The following DMD variants were observed in gnomAD, a reference collection of about 807,000 sequenced individuals.
DMD encodes mutant dystrophin.
DMD carries 63 observed loss-of-function variants against 330.1 expected under a neutral mutation model. The observed-to-expected ratio is 0.19, with a 90% CI of 0.16 to 0.24. The LOEUF (loss-of-function observed/expected upper bound fraction) is 0.24. Among genes scored for constraint, DMD ranks in the 10% least tolerant of loss-of-function variants. DMD has a pLI of 1.00. For missense variants in DMD, 3,344 were observed against 2,684.1 expected, an observed-to-expected ratio of 1.25 and a Z score of -5.43; for synonymous variants, 1,223 against 959.8, an observed-to-expected ratio of 1.27 and a Z score of -5.07.
chrX:32,595,885 T>A lies in DMD; in HGVS notation c.1483-9A>T. The A allele has an allele frequency of 8.5e-7, 1 of 1,172,267 alleles. No homozygotes were observed. The highest frequency in any genetic ancestry group is 1.8e-5 in the South Asian group (1 of 55,955). On this transcript the variant is annotated splice_polypyrimidine_tract_variant and intron_variant, in intron 12 of 78. Transcript: ENST00000357033. ...AGATCTTCTTGAAGCACCTGAAAGA[T>A]AAAATGTTTTAAAGGAAATTAAAAT...
At chrX:31,217,904 T>C (rs2045580741) in intron 64 of DMD, among the ~76,000 whole-genome samples, 1 of 111,960 alleles carries the variant, frequency 8.9e-6, no homozygotes, top group Non-Finnish European at 1.9e-5. Context: ...AGAAAAGCCA[T>C]GCTCAGAAAG....
At chrX:33,149,695 C>A (rs1255790575) in intron 1 of DMD, among the ~76,000 whole-genome samples, 1 of 111,610 alleles carries the variant, frequency 9.0e-6, no homozygotes, top group African/African-American at 3.3e-5. Flanking sequence ...GTCAATAGAT[C>A]TAGTTGACCC....
intron 9 of DMD, among the ~76,000 whole-genome samples, chrX:32,692,428 C>G (rs58214151): frequency 0.14 from 15,600 of 110,894 alleles, 2,614 homozygotes; most frequent in African/African-American, 0.47. Flanking sequence ...GGCTGGCTTC[C>G]CATCCTCTGT....
At chrX:32,504,349 T>A (rs1359037089) in intron 18 of DMD, among the ~76,000 whole-genome samples, 1 of 111,379 alleles carries the variant, frequency 9.0e-6, no homozygotes, top group Non-Finnish European at 1.9e-5. Context: ...ATGGGCTGGG[T>A]GCAGTGGCTC....
At chrX:31,720,488 A>G (rs2085385207) in intron 52 of DMD, among the ~76,000 whole-genome samples, 1 of 111,722 alleles carries the variant, frequency 9.0e-6, no homozygotes, top group African/African-American at 3.3e-5. Flanking sequence ...TAAGATAAAA[A>G]TGCTAGCCTA....
In DMD at chrX:32,216,868, A is replaced by G. The variant is rs769659348; in HGVS notation, c.6438+48T>C. On this transcript the variant is annotated intron_variant, in intron 44 of 78. Coordinates refer to ENST00000357033, the MANE Select transcript of DMD (RefSeq NM_004006.3). ...ATCTTTAAGAAGTTAAAGAGTCCAG[A>G]TGTGCTGAAGATAAATACAATTTCG... 3 of 1,126,859 alleles carry G rather than the reference A, an allele frequency of 2.7e-6. No homozygotes were observed. The Admixed American group carries it at 6.7e-5, about 25-fold the overall frequency. The allele number at this position is 1,126,859 out of a possible 1,213,427, so 92.9% of individuals were successfully genotyped here.
chrX:33,285,561 T>C (rs1452731998), intron 1 of DMD, among the ~76,000 whole-genome samples: 1 of 111,787 alleles, frequency 8.9e-6, no homozygotes, highest in Non-Finnish European at 1.9e-5. Context: ...ATTTGGGAAG[T>C]TCTACTCAGT....
intron 9 of DMD, among the ~76,000 whole-genome samples, chrX:32,686,542 G>A (rs2062878565): frequency 2.0e-5 from 1 of 49,499 alleles, no homozygotes; most frequent in Non-Finnish European, 3.4e-5. Context: ...CGGGGCAACA[G>A]AGCAAAAACT....
intron 7 of DMD, among the ~76,000 whole-genome samples, chrX:32,758,263 T>A: frequency 9.0e-6 from 1 of 111,594 alleles, no homozygotes; most frequent in Non-Finnish European, 1.9e-5. Context: ...AACTGAACTC[T>A]TAGAGAGCAG....
intron 7 of DMD, among the ~76,000 whole-genome samples, chrX:32,715,635 A>C (rs2065637817): frequency 9.2e-6 from 1 of 109,110 alleles, no homozygotes; most frequent in Admixed American, 9.8e-5. Context: ...CCCCATCTCT[A>C]CTAAAAATGC....
chrX:33,165,272 A>G (rs1479012232), intron 1 of DMD, among the ~76,000 whole-genome samples: 2 of 111,624 alleles, frequency 1.8e-5, no homozygotes, highest in African/African-American at 6.5e-5. Flanking sequence ...TTAGAAGTTC[A>G]TAATTGGAAG....
At chrX:32,240,753 C>A (rs1178902100) in intron 43 of DMD, among the ~76,000 whole-genome samples, 1 of 111,164 alleles carries the variant, frequency 9.0e-6, no homozygotes, top group Non-Finnish European at 1.9e-5. Context: ...ATCAACTAAT[C>A]CTGTTGTCCA....
chrX:31,988,939 A>C (rs890533923), intron 44 of DMD, among the ~76,000 whole-genome samples: 2 of 111,844 alleles, frequency 1.8e-5, no homozygotes, highest in Admixed American at 9.5e-5. Context: ...GTCCAAAGGC[A>C]TGAGAACCAA....
At chrX:32,441,060 T>C (rs2098279759) in intron 28 of DMD, 120 bp downstream of exon 28, 1 of 783,276 alleles carries the variant, frequency 1.3e-6, no homozygotes, top group African/African-American at 2.1e-5. Flanking sequence ...CAGTGCTGAG[T>C]GATAACATAG....
intron 52 of DMD, among the ~76,000 whole-genome samples, chrX:31,693,982 T>C (rs778890912): frequency 4.5e-5 from 5 of 111,435 alleles, no homozygotes; most frequent in Non-Finnish European, 9.5e-5. Flanking sequence ...AAGAATAAAA[T>C]TGGAAGTATG....
chrX:32,120,119 C>A (rs1214795957), intron 44 of DMD, among the ~76,000 whole-genome samples: 1 of 112,445 alleles, frequency 8.9e-6, no homozygotes, highest in Non-Finnish European at 1.9e-5. Flanking sequence ...TATCCTTAAA[C>A]AAATGTGTCT....
rs1358287264 is a variant in DMD, at chrX:31,536,329, T to C, written c.8218-28876A>G. Reference sequence around the variant, plus strand: ...TATCAGTAGATTTCATGGCAGTTGCTGTATATTTAATTGTAAAAAATTCGG... The same window carrying C: ...TATCAGTAGATTTCATGGCAGTTGCCGTATATTTAATTGTAAAAAATTCGG... On this transcript the variant is annotated intron_variant, in intron 55 of 78. Coordinates refer to ENST00000357033, the MANE Select transcript of DMD (RefSeq NM_004006.3). 3.6e-5 allele frequency among the ~76,000 whole-genome samples: 4 copies of C among 111,843 alleles called. No individual in the cohort carries two copies. In the East Asian group the frequency reaches 1.1e-3, roughly 31 times the overall value.
chrX:31,398,758 TC>T (rs759365454), intron 60 of DMD, among the ~76,000 whole-genome samples: 1 of 112,110 alleles, frequency 8.9e-6, no homozygotes, highest in Admixed American at 9.4e-5. Flanking sequence ...GTTCAAGAGA[TC>T]CTCCCACCTC....
At chrX:32,559,522 A>G (rs1458996449) in intron 16 of DMD, among the ~76,000 whole-genome samples, 1 of 111,887 alleles carries the variant, frequency 8.9e-6, no homozygotes, top group East Asian at 2.8e-4. Context: ...GCCAAAAAAG[A>G]AGAGAGGCAA....
Sources: allele counts gnomAD v4.1 joint callset (sites outside exome capture counted in the v4.1 genomes callset), GRCh38; gene constraint gnomAD v4.1.1; transcripts MANE v1.5; gene names NCBI Gene and HGNC (gene_info 2026-07-23, HGNC 2026-07-21).